NUP188: variants seen among roughly 807,000 people sequenced by gnomAD.
NUP188 encodes the protein nucleoporin 188, also known as nucleoporin NUP188.
NUP188 carries 97 observed loss-of-function variants against 223.0 expected under a neutral mutation model. The ratio of observed to expected loss-of-function variants is 0.43; its 90% CI spans 0.37 to 0.51. The LOEUF (loss-of-function observed/expected upper bound fraction) is 0.51. Among genes scored for constraint, NUP188 ranks in the 20% least tolerant of loss-of-function variants. The pLI, the probability that NUP188 is intolerant of heterozygous loss-of-function variation, is 0.00. For synonymous variants in NUP188, 869 were observed against 828.0 expected, an observed-to-expected ratio of 1.05 and a Z score of -0.85; for missense variants, 1,947 against 2,175.6, an observed-to-expected ratio of 0.89 and a Z score of 2.09.
intron 11 of NUP188, 46 bp from the exon 12 acceptor site, chr9:128,973,114 G>A (rs1342830106): frequency 8.2e-7 from 1 of 1,219,500 alleles, no homozygotes; most frequent in Non-Finnish European, 1.2e-6. Flanking sequence ...ACCTGGGGAA[G>A]AGTTGTATTA....
chr9:129,005,235 G>A lies in NUP188; in HGVS notation c.4509+14G>A. 6.2e-7 allele frequency: 1 copy of A among 1,613,584 alleles called. No homozygotes were observed. Among genetic ancestry groups the A allele is most frequent in the Non-Finnish European group, 8.5e-7 (1 of 1,179,492 alleles). On this transcript the variant is annotated intron_variant, in intron 39 of 43. Transcript: ENST00000372577. ...CATTACTTACAGGTAAGCGTCCTAT[G>A]CCATGAGGTCCTGGAATACCTCACG...
chr9:128,984,312 G>C (rs577047421), intron 19 of NUP188, among the ~76,000 whole-genome samples: 1 of 151,992 alleles, frequency 6.6e-6, no homozygotes, highest in African/African-American at 2.4e-5. Context: ...TTTTGGTAGA[G>C]ATAGTGTTTC....
chr9:128,998,314 C>T, intron 31 of NUP188, 86 bp downstream of exon 31: 2 of 1,263,798 alleles, frequency 1.6e-6, no homozygotes, highest in Non-Finnish European at 2.3e-6. Flanking sequence ...TGCCAGCCAG[C>T]CGCACAAATA....
intron 12 of NUP188, among the ~76,000 whole-genome samples, chr9:128,978,693 C>T (rs1000911987): frequency 7.6e-4 from 116 of 151,942 alleles, no homozygotes; most frequent in African/African-American, 2.6e-3. Flanking sequence ...CCAACCCATC[C>T]ACCCTTAAGC....
rs200310570 is a variant in NUP188 at position 128,999,283 on chromosome 9, A to G, written c.3627A>G (p.Ala1209=). 1.9e-6 allele frequency: 3 copies of G among 1,614,200 alleles called. No individual in the cohort carries two copies. The South Asian group carries it at 3.3e-5, about 18-fold the overall frequency. The change falls in exon 33 of 44, where the codon GCA becomes GCG. Residue 1209 remains alanine, a synonymous_variant. Coordinates refer to ENST00000372577, the MANE Select transcript of NUP188 (RefSeq NM_015354.3). ...AGACCAAGGCCAAGGTGTTCTCAGC[A>G]TTCATCACAGTGTTGCAAATGAAGG... ...MEKTKAKVFS[A]FITVLQMKEM... is the part of the protein sequence containing the mutation.
In NUP188 at chr9:128,994,898, T is replaced by G. The variant is rs1273890778; in HGVS notation, c.3130T>G (p.Cys1044Gly). Reference sequence around the variant, plus strand: ...CTGTGCCCTAATCATGAAGATAATTTGCTTGGAGATATACTATGTAGTAAA... The same window carrying G: ...CTGTGCCCTAATCATGAAGATAATTGGCTTGGAGATATACTATGTAGTAAA... Reference protein sequence around the residue: ...ETCALIMKIICLEIYYVVKGS... With the variant: ...ETCALIMKIIGLEIYYVVKGS... The change falls in exon 29 of 44, where the codon TGC (cysteine) becomes GGC (glycine). Residue 1044 changes from cysteine to glycine, a missense_variant. Coordinates refer to ENST00000372577, the MANE Select transcript of NUP188 (RefSeq NM_015354.3). 6.2e-7 allele frequency: 1 copy of G among 1,613,686 alleles called. No homozygotes were observed. The highest frequency in any genetic ancestry group is 1.7e-5 in the Admixed American group (1 of 60,018).
At chr9:128,966,637 G>T (rs551528170) in intron 8 of NUP188, among the ~76,000 whole-genome samples, 1 of 152,052 alleles carries the variant, frequency 6.6e-6, no homozygotes, top group Non-Finnish European at 1.5e-5. Flanking sequence ...TATAGCAGAC[G>T]AAACATCTTA....
intron 8 of NUP188, among the ~76,000 whole-genome samples, chr9:128,961,560 ATATATC>A (rs906128404): frequency 5.4e-5 from 8 of 148,834 alleles, no homozygotes; most frequent in South Asian, 2.1e-4. Flanking sequence ...GACACACTAT[ATATATC>A]TATATCTATA....
chr9:128,989,807 G>A (rs1298953970), intron 24 of NUP188, among the ~76,000 whole-genome samples: 2 of 152,146 alleles, frequency 1.3e-5, no homozygotes, highest in African/African-American at 4.8e-5. Flanking sequence ...ACTTCAGCCT[G>A]GGTGACTGAG....
chr9:129,005,194 T>A lies in NUP188; in HGVS notation c.4482T>A (p.Ser1494Arg). 6.2e-7 allele frequency: 1 copy of A among 1,614,136 alleles called. No homozygotes were observed. The highest frequency in any genetic ancestry group is 1.1e-5 in the South Asian group (1 of 91,084). The change falls in exon 39 of 44, where the codon AGT (serine) becomes AGA (arginine). Residue 1494 changes from serine (S) to arginine (R), a missense_variant. Ser to Arg is a moderately radical substitution (Grantham distance 110). Transcript: ENST00000372577. The part of the protein sequence containing the change: ...LCQACTSLLH[S>R]RKMLQHYLQN... ...AGGCATGTACCTCTCTCCTGCACAGTCGAAAGATGCTGCAGCATTACTTAC... is the reference window on the plus strand; with the variant it reads ...AGGCATGTACCTCTCTCCTGCACAGACGAAAGATGCTGCAGCATTACTTAC...
chr9:128,987,562 G>C (rs771804877), intron 22 of NUP188, 27 bp from the exon 23 acceptor site: 1 of 1,600,406 alleles, frequency 6.2e-7, no homozygotes, highest in Admixed American at 1.7e-5. Flanking sequence ...TGGCTCCCTG[G>C]TAACTCAGAA....
Position 128,956,378 on chromosome 9 carries a change from A to G in NUP188, c.190A>G (p.Asn64Asp), listed in dbSNP as rs200724620. The G allele has an allele frequency of 6.9e-4, 1,085 of 1,578,168 alleles. 10 individuals are homozygous for G. In the South Asian group the frequency reaches 9.5e-3, roughly 14 times the overall value. ...AAGTTCAGCTGAAAAAGTGAAAGCTAATAAAGATGTAGCTTCACCATTGAA... is the reference window on the plus strand; with the variant it reads ...AAGTTCAGCTGAAAAAGTGAAAGCTGATAAAGATGTAGCTTCACCATTGAA... Reference protein sequence around the residue: ...SPSSAEKVKANKDVASPLKEL... With the variant: ...SPSSAEKVKADKDVASPLKEL... Residue 64 changes from asparagine to aspartate, a missense_variant, in exon 4 of 44, where the codon AAT becomes GAT. Asn to Asp is a conservative substitution (Grantham distance 23, BLOSUM62 1). This residue lies in a region of NUP188 where 817 missense variants were observed against 865.8 expected (regional missense o/e 0.94). Coordinates refer to ENST00000372577, the MANE Select transcript of NUP188 (RefSeq NM_015354.3).
In NUP188 at chr9:128,983,316, C is replaced by T. The variant is rs1842284050; in HGVS notation, c.1820C>T (p.Pro607Leu). The T allele has an allele frequency of 1.2e-6, 2 of 1,614,104 alleles. No homozygotes were observed. Among genetic ancestry groups the T allele is most frequent in the Non-Finnish European group, 1.7e-6 (2 of 1,180,004 alleles). ...AGGTTAACGACAGTGATCTCCCCACCTGTGGATGTCATTGCTTCTTGTGTC... is the reference window on the plus strand; with the variant it reads ...AGGTTAACGACAGTGATCTCCCCACTTGTGGATGTCATTGCTTCTTGTGTC... ...LQRLTTVISP[P>L]VDVIASCVNC... Residue 607 changes from proline (P) to leucine (L), a missense_variant, in exon 18 of 44, where the codon CCT (proline) becomes CTT (leucine). By Grantham distance (98) the Pro-to-Leu change is moderately conservative. Transcript: ENST00000372577.
intron 24 of NUP188, among the ~76,000 whole-genome samples, chr9:128,989,332 G>A (rs996239812): frequency 6.6e-6 from 1 of 151,936 alleles, no homozygotes; most frequent in South Asian, 2.1e-4. Flanking sequence ...AGCTTGGCAG[G>A]TCAAAGCTGC....
chr9:128,999,895 T>C, intron 34 of NUP188, 90 bp downstream of exon 34: 5 of 1,248,428 alleles, frequency 4.0e-6, no homozygotes, highest in East Asian at 2.4e-5. Flanking sequence ...TCAAGACAGA[T>C]AGTCGCTGCA....
At chr9:128,951,547 A>G (rs1260835099) in intron 2 of NUP188, among the ~76,000 whole-genome samples, 2 of 152,164 alleles carry the variant, frequency 1.3e-5, no homozygotes, top group Non-Finnish European at 2.9e-5. Flanking sequence ...CAGCTTAAGT[A>G]TATCAAACAT....
intron 1 of NUP188, chr9:128,948,052 C>T (rs1841715328): frequency 6.5e-6 from 2 of 305,954 alleles, no homozygotes; most frequent in African/African-American, 2.2e-5. Flanking sequence ...CTCTTGGCGC[C>T]CCACCCGCGC....
intron 34 of NUP188, among the ~76,000 whole-genome samples, chr9:129,000,857 T>G (rs1842642032): frequency 6.6e-6 from 1 of 150,994 alleles, no homozygotes; most frequent in Non-Finnish European, 1.5e-5. Flanking sequence ...GCTAACACGG[T>G]GAAACCCTGT....
At chr9:128,987,816 C>T (rs1011830935) in intron 23 of NUP188, 99 bp downstream of exon 23, 66 of 1,460,922 alleles carry the variant, frequency 4.5e-5, no homozygotes, top group Non-Finnish European at 6.0e-5. Flanking sequence ...TTTTAGAAGA[C>T]GACATTGTTC....
Sources: gnomAD v4.1 joint callset for allele counts (sites outside exome capture counted in the v4.1 genomes callset) on GRCh38, gnomAD v4.1.1 for gene constraint, gnomAD v4.1.1 regional missense constraint, MANE v1.5 for transcripts, NCBI Gene and HGNC (gene_info 2026-07-23, HGNC 2026-07-21) for gene names.